The following TTLL5 variants were observed in gnomAD, a reference collection of about 807,000 sequenced individuals.
The protein encoded by TTLL5 is tubulin tyrosine ligase like 5.
TTLL5 carries 132 observed loss-of-function variants against 168.4 expected under a neutral mutation model. The observed-to-expected ratio is 0.78, with a 90% CI of 0.68 to 0.91. TTLL5 has a LOEUF of 0.91. TTLL5 is among the 40% of genes least tolerant of loss of function. The probability of loss-of-function intolerance (pLI) is 0.00; values close to 1 mark genes in which losing one functional copy is unlikely to be tolerated. For synonymous variants in TTLL5, 546 were observed against 558.6 expected, an observed-to-expected ratio of 0.98 and a Z score of 0.32; for missense variants, 1,545 against 1,581.5, an observed-to-expected ratio of 0.98 and a Z score of 0.39.
At chr14:75,745,627 G>C in intron 17 of TTLL5, 46 bp downstream of exon 17, 1 of 1,506,058 alleles carries the variant, frequency 6.6e-7, no homozygotes, top group Non-Finnish European at 9.2e-7. Context: ...GAGGTCCATA[G>C]AATTAGATTA....
intron 3 of TTLL5, among the ~76,000 whole-genome samples, chr14:75,675,620 C>A (rs1884082729): frequency 6.6e-6 from 1 of 152,176 alleles, no homozygotes; most frequent in Non-Finnish European, 1.5e-5. Flanking sequence ...CATGCTCTGC[C>A]TCATGTTTTT....
At chr14:75,697,279 T>C (rs1160157374) in intron 6 of TTLL5, among the ~76,000 whole-genome samples, 1 of 152,212 alleles carries the variant, frequency 6.6e-6, no homozygotes, top group Non-Finnish European at 1.5e-5. Flanking sequence ...ACAGATGCAT[T>C]GTAGTGTATT....
chr14:75,702,714 C>T (rs547228132), intron 7 of TTLL5, among the ~76,000 whole-genome samples: 1 of 152,214 alleles, frequency 6.6e-6, no homozygotes, highest in South Asian at 2.1e-4. Context: ...TTCTCCCTCC[C>T]ACCTCTCCCT....
At chr14:75,677,338 T>C (rs1884241236) in intron 3 of TTLL5, among the ~76,000 whole-genome samples, 1 of 150,802 alleles carries the variant, frequency 6.6e-6, no homozygotes, top group African/African-American at 2.4e-5. Flanking sequence ...AGTGGTAGAA[T>C]CAGGGTTTGA....
intron 31 of TTLL5, among the ~76,000 whole-genome samples, chr14:75,931,162 T>C (rs933763702): frequency 6.6e-6 from 1 of 152,150 alleles, no homozygotes; most frequent in Non-Finnish European, 1.5e-5. Flanking sequence ...ACACCAAACA[T>C]GAACATAAGT....
chr14:75,795,781 G>C (rs1321873148), intron 27 of TTLL5, among the ~76,000 whole-genome samples: 1 of 152,028 alleles, frequency 6.6e-6, no homozygotes, highest in Admixed American at 6.6e-5. Flanking sequence ...ATGAGTAGTA[G>C]TCCATGGTGT....
chr14:75,750,177 G>T (rs1028773947), intron 17 of TTLL5, among the ~76,000 whole-genome samples: 1 of 151,896 alleles, frequency 6.6e-6, no homozygotes, highest in African/African-American at 2.4e-5. Flanking sequence ...AGAACAAAAA[G>T]TTTGCTCTGT....
intron 28 of TTLL5, among the ~76,000 whole-genome samples, chr14:75,858,841 A>G (rs1897266557): frequency 6.6e-6 from 1 of 152,208 alleles, no homozygotes; most frequent in Non-Finnish European, 1.5e-5. Context: ...ATGGCCTTAT[A>G]GTGTTTCTCA....
chr14:75,940,238 C>G (rs2034558927), intron 31 of TTLL5, among the ~76,000 whole-genome samples: 1 of 151,980 alleles, frequency 6.6e-6, no homozygotes, highest in African/African-American at 2.4e-5. Context: ...GCTACCAAGC[C>G]TGGCTAATTT....
intron 14 of TTLL5, among the ~76,000 whole-genome samples, chr14:75,734,950 C>T (rs141956982): frequency 1.3e-5 from 2 of 152,342 alleles, no homozygotes; most frequent in African/African-American, 4.8e-5. Context: ...CACTCAGAAT[C>T]ACATTTCAGC....
chr14:75,670,358 G>A (rs1406441453), intron 3 of TTLL5, among the ~76,000 whole-genome samples: 1 of 151,970 alleles, frequency 6.6e-6, no homozygotes, highest in Non-Finnish European at 1.5e-5. Context: ...TCCACCTTTT[G>A]TCTGTTGTGA....
chr14:75,718,492 T>C lies in TTLL5; in HGVS notation c.842+530T>C, dbSNP rs576321877. 2.2e-3 allele frequency among the ~76,000 whole-genome samples: 334 copies of C among 152,188 alleles called. 1 individual carries two copies. The highest frequency in any genetic ancestry group is 3.8e-3 in the Non-Finnish European group (256 of 67,984). On this transcript the variant is annotated intron_variant, in intron 10 of 31. Coordinates refer to ENST00000298832, the MANE Select transcript of TTLL5 (RefSeq NM_015072.5). ...AACTTTCTTGCTTGAATATGAGATA[T>C]CTAAAGCTGCTTATTTTTGCTGAGG...
At position 75,697,961 on chromosome 14, in the gene TTLL5, A is replaced by G. The variant is rs912728299; in HGVS notation, c.503-1227A>G. On this transcript the variant is annotated intron_variant, in intron 6 of 31. Transcript: ENST00000298832. ...GCATTTGCTTGATTTATTTCCCCAC[A>G]CTATTCCTTCCCTTTCTCTCTTCCT... is the stretch of plus-strand genomic sequence containing the variant. 8.5e-5 allele frequency among the ~76,000 whole-genome samples: 13 copies of G among 152,276 alleles called. No individual in the cohort carries two copies. In the South Asian group the frequency reaches 1.0e-3, roughly 12 times the overall value.
At chr14:75,869,120 GT>G (rs1389311319) in intron 29 of TTLL5, among the ~76,000 whole-genome samples, 1 of 150,320 alleles carries the variant, frequency 6.7e-6, no homozygotes, top group East Asian at 2.0e-4. Context: ...TTGCTTCGTT[GT>G]TTTTTTGTTT....
intron 28 of TTLL5, among the ~76,000 whole-genome samples, chr14:75,839,480 TCA>T (rs1162883198): frequency 2.0e-5 from 3 of 152,202 alleles, no homozygotes; most frequent in Admixed American, 6.5e-5. Flanking sequence ...TTTCATTGAC[TCA>T]CAGTTTCACA....
chr14:75,900,653 C>T (rs950543634), intron 30 of TTLL5, among the ~76,000 whole-genome samples: 1 of 152,158 alleles, frequency 6.6e-6, no homozygotes, highest in African/African-American at 2.4e-5. Context: ...TTAAAGGTTC[C>T]TGGGACATTC....
At chr14:75,823,130 A>T (rs987632189) in intron 28 of TTLL5, among the ~76,000 whole-genome samples, 1 of 152,214 alleles carries the variant, frequency 6.6e-6, no homozygotes, top group Non-Finnish European at 1.5e-5. Context: ...GGATGCAGGT[A>T]CCAAGTGTTT....
At chr14:75,827,595 G>A (rs779211824) in intron 28 of TTLL5, among the ~76,000 whole-genome samples, 11 of 151,034 alleles carry the variant, frequency 7.3e-5, no homozygotes, top group Non-Finnish European at 1.2e-4. Flanking sequence ...TGGACCATTC[G>A]TATGCTTCAG....
intron 31 of TTLL5, among the ~76,000 whole-genome samples, chr14:75,933,590 T>C (rs1309563891): frequency 6.6e-6 from 1 of 152,202 alleles, no homozygotes; most frequent in Non-Finnish European, 1.5e-5. Context: ...AGTGGTCTCA[T>C]TGGAAGGATA....
Sources: allele counts gnomAD v4.1 joint callset (sites outside exome capture counted in the v4.1 genomes callset), GRCh38; gene constraint gnomAD v4.1.1; transcripts MANE v1.5; gene names NCBI Gene and HGNC (gene_info 2026-07-23, HGNC 2026-07-21).